The following CTNNA2 variants were observed in gnomAD, a reference collection of about 807,000 sequenced individuals.
CTNNA2 encodes catenin alpha-2.
CTNNA2 carries 42 observed loss-of-function variants against 101.0 expected under a neutral mutation model. The ratio of observed to expected loss-of-function variants is 0.42; its 90% confidence interval spans 0.32 to 0.54. The LOEUF is 0.54. Among genes scored for constraint, CTNNA2 ranks in the 20% least tolerant of loss-of-function variants. CTNNA2 has a pLI of 0.14. For synonymous variants in CTNNA2, 450 were observed against 456.4 expected, an observed-to-expected ratio of 0.99 and a Z score of 0.18; for missense variants, 871 against 1,223.1, an observed-to-expected ratio of 0.71 and a Z score of 4.29.
chr2:80,434,890 C>A (rs936143237), intron 9 of CTNNA2, among the ~76,000 whole-genome samples: 1 of 152,086 alleles, frequency 6.6e-6, no homozygotes, highest in Non-Finnish European at 1.5e-5. Flanking sequence ...ACTGGCCCGG[C>A]CTCATTTCCT....
intron 1 of CTNNA2, among the ~76,000 whole-genome samples, chr2:79,650,580 T>C (rs1327672712): frequency 1.3e-5 from 2 of 151,654 alleles, no homozygotes; most frequent in African/African-American, 4.9e-5. Flanking sequence ...CTGACATTGA[T>C]GCCCCTTCCT....
At chr2:79,280,723 T>C (rs983461201) in intron 2 of CTNNA2, among the ~76,000 whole-genome samples, 2 of 145,716 alleles carry the variant, frequency 1.4e-5, no homozygotes, top group Non-Finnish European at 3.0e-5. Context: ...CCAGATCTCT[T>C]TGGATGTGTT....
At chr2:79,390,114 C>G (rs1054119378) in intron 4 of CTNNA2, among the ~76,000 whole-genome samples, 4 of 152,074 alleles carry the variant, frequency 2.6e-5, no homozygotes, top group African/African-American at 9.7e-5. Context: ...TGACAGGGAC[C>G]CAAGAGAAAG....
intron 9 of CTNNA2, among the ~76,000 whole-genome samples, chr2:80,438,748 G>A (rs945999679): frequency 6.7e-6 from 1 of 150,250 alleles, no homozygotes. Context: ...CATTCCATCT[G>A]TTCCTTTAGG....
intron 1 of CTNNA2, among the ~76,000 whole-genome samples, chr2:79,593,932 G>A (rs1379705843): frequency 1.9e-4 from 12 of 62,342 alleles, no homozygotes; most frequent in Non-Finnish European, 3.6e-4. Context: ...CTTTCACCTA[G>A]GCTGGAGTGC....
chr2:79,492,221 T>C (rs541374994), intron 4 of CTNNA2, among the ~76,000 whole-genome samples: 4 of 152,126 alleles, frequency 2.6e-5, no homozygotes, highest in Non-Finnish European at 4.4e-5. Context: ...AATAACCATA[T>C]TGAACTCTAA....
chr2:80,598,831 T>C (rs927255278), intron 15 of CTNNA2, among the ~76,000 whole-genome samples: 12 of 152,296 alleles, frequency 7.9e-5, no homozygotes, highest in African/African-American at 2.4e-4. Flanking sequence ...AACAAACTTG[T>C]AGAGGTGGAG....
intron 1 of CTNNA2, among the ~76,000 whole-genome samples, chr2:79,644,827 T>G (rs1002630086): frequency 6.6e-6 from 1 of 152,142 alleles, no homozygotes; most frequent in African/African-American, 2.4e-5. Flanking sequence ...TGGCTCCTCT[T>G]TTTTTCATTT....
intron 3 of CTNNA2, among the ~76,000 whole-genome samples, chr2:79,855,401 C>T (rs1681047525): frequency 6.6e-6 from 1 of 152,170 alleles, no homozygotes; most frequent in Non-Finnish European, 1.5e-5. Context: ...CATGAAATGC[C>T]AGTACACTTC....
chr2:80,426,554 T>A (rs1474451954), intron 9 of CTNNA2, among the ~76,000 whole-genome samples: 1 of 152,168 alleles, frequency 6.6e-6, no homozygotes, highest in Non-Finnish European at 1.5e-5. Flanking sequence ...CTACAGTCCC[T>A]TCTGCACAGA....
intron 3 of CTNNA2, among the ~76,000 whole-genome samples, chr2:79,338,238 T>C (rs1412248024): frequency 2.0e-4 from 3 of 15,214 alleles, no homozygotes; most frequent in Admixed American, 7.2e-4. Flanking sequence ...AGAACCAGAC[T>C]CCATCTCAAA....
chr2:79,554,791 A>T (rs1247187911), intron 1 of CTNNA2, among the ~76,000 whole-genome samples: 1 of 152,204 alleles, frequency 6.6e-6, no homozygotes, highest in Non-Finnish European at 1.5e-5. Flanking sequence ...TTCATAAATG[A>T]GGAGAATGGT....
At chr2:79,957,577 T>C (rs1288498505) in intron 7 of CTNNA2, among the ~76,000 whole-genome samples, 5 of 152,148 alleles carry the variant, frequency 3.3e-5, no homozygotes, top group Non-Finnish European at 7.3e-5. Flanking sequence ...GGGCCAGGAG[T>C]AATAAAGTCT....
chr2:80,561,039 T>A (rs1405558524), intron 12 of CTNNA2, among the ~76,000 whole-genome samples: 2 of 152,212 alleles, frequency 1.3e-5, no homozygotes, highest in African/African-American at 4.8e-5. Flanking sequence ...TCTGATTGGC[T>A]TTCTGGCCTA....
intron 1 of CTNNA2, among the ~76,000 whole-genome samples, chr2:79,627,434 A>G (rs977098196): frequency 6.6e-6 from 1 of 152,208 alleles, no homozygotes; most frequent in East Asian, 1.9e-4. Flanking sequence ...AATACCCAGC[A>G]GAGTGCTGCC....
At position 79,847,448 on chromosome 2, in the gene CTNNA2, CAGG is replaced by C. The variant is rs1175348065; in HGVS notation, c.299-10562_299-10560del. On this transcript the variant is annotated intron_variant, in intron 3 of 18. Transcript: ENST00000402739. Reference sequence around the variant, plus strand: ...ATCCCAGCTACTCAGGGGGCTGAGGCAGGAGAATTGCTTGAACCTGGGAGGTGA... The same window carrying C: ...ATCCCAGCTACTCAGGGGGCTGAGGCAGAATTGCTTGAACCTGGGAGGTGA... Among the ~76,000 whole-genome samples the C allele has an allele frequency of 6.6e-5, 9 of 136,590 alleles. No homozygotes were observed. In the Admixed American group the frequency reaches 6.8e-4, roughly 10 times the overall value. 89.6% of individuals were successfully genotyped at this position (136,590 alleles called of 152,430 possible). A position where few individuals can be genotyped will look rare whatever the true frequency, so the allele number is the denominator to read the frequency against.
intron 2 of CTNNA2, among the ~76,000 whole-genome samples, chr2:79,233,716 A>G (rs1674523864): frequency 1.3e-5 from 2 of 151,858 alleles, no homozygotes; most frequent in African/African-American, 4.8e-5. Flanking sequence ...TTGTTTTATG[A>G]CTCTGTTTGC....
At chr2:79,739,032 C>T (rs2104960607) in intron 2 of CTNNA2, among the ~76,000 whole-genome samples, 1 of 151,404 alleles carries the variant, frequency 6.6e-6, no homozygotes, top group East Asian at 1.9e-4. Context: ...TGTCAATATT[C>T]ATGCTATTAC....
At chr2:80,346,919 C>G (rs1262509376) in intron 7 of CTNNA2, among the ~76,000 whole-genome samples, 1 of 152,170 alleles carries the variant, frequency 6.6e-6, no homozygotes, top group Non-Finnish European at 1.5e-5. Context: ...AGAATTTTGC[C>G]CTCAGCACTT....
Sources: allele counts gnomAD v4.1 joint callset (sites outside exome capture counted in the v4.1 genomes callset), GRCh38; gene constraint gnomAD v4.1.1; transcripts MANE v1.5; gene names NCBI Gene and HGNC (gene_info 2026-07-23, HGNC 2026-07-21).